CSNK1A1: variants seen among roughly 807,000 people sequenced by gnomAD.
CSNK1A1 encodes casein kinase I isoform alpha.
A neutral mutation model predicts 46.1 loss-of-function variants in CSNK1A1; 7 were observed. The ratio of observed to expected loss-of-function variants is 0.15; its 90% CI spans 0.09 to 0.29. CSNK1A1 has a LOEUF of 0.29. Among genes scored for constraint, CSNK1A1 ranks in the 10% least tolerant of loss-of-function variants. The pLI is 1.00. For missense variants in CSNK1A1, 96 were observed against 417.1 expected, an observed-to-expected ratio of 0.23 and a Z score of 6.71; for synonymous variants, 137 against 141.5, an observed-to-expected ratio of 0.97 and a Z score of 0.23.
At chr5:149,521,124 C>T (rs918225635) in intron 3 of CSNK1A1, among the ~76,000 whole-genome samples, 1 of 152,200 alleles carries the variant, frequency 6.6e-6, no homozygotes, top group East Asian at 1.9e-4. Flanking sequence ...AGACATGTAT[C>T]TTTACCCACT....
intron 2 of CSNK1A1, 77 bp downstream of exon 2, chr5:149,549,998 G>T: frequency 1.3e-6 from 2 of 1,519,624 alleles, no homozygotes; most frequent in Non-Finnish European, 1.8e-6. Flanking sequence ...GATTCAGCTG[G>T]TCTCATTACC....
chr5:149,500,398 A>T (rs1170641147), intron 9 of CSNK1A1, among the ~76,000 whole-genome samples: 1 of 151,972 alleles, frequency 6.6e-6, no homozygotes, highest in Non-Finnish European at 1.5e-5. Flanking sequence ...CGGCCTCCCA[A>T]ACTGCTGGGA....
At chr5:149,516,326 A>C (rs1440094285) in intron 4 of CSNK1A1, among the ~76,000 whole-genome samples, 1 of 130,796 alleles carries the variant, frequency 7.6e-6, no homozygotes, top group Non-Finnish European at 1.6e-5. Context: ...CCCGTCTCAA[A>C]ACAAAACAAA....
chr5:149,503,119 T>C (rs2113060501), intron 9 of CSNK1A1: 1 of 985,466 alleles, frequency 1.0e-6, no homozygotes, highest in East Asian at 1.1e-4. Flanking sequence ...GACTATGCTT[T>C]TAAATGCCCT....
intron 2 of CSNK1A1, among the ~76,000 whole-genome samples, chr5:149,544,737 T>TAA (rs1554118044): frequency 1.2e-5 from 1 of 80,806 alleles, no homozygotes; most frequent in Non-Finnish European, 2.2e-5. Flanking sequence ...GTAAAGAGCT[T>TAA]TATATATATA....
At chr5:149,500,286 C>T (rs542426091) in intron 9 of CSNK1A1, among the ~76,000 whole-genome samples, 8 of 152,066 alleles carry the variant, frequency 5.3e-5, no homozygotes, top group Non-Finnish European at 1.0e-4. Context: ...TATAGGCGCC[C>T]GCCACCACGC....
intron 3 of CSNK1A1, among the ~76,000 whole-genome samples, chr5:149,520,743 T>A (rs1468472055): frequency 2.0e-5 from 3 of 152,334 alleles, no homozygotes; most frequent in Middle Eastern, 3.4e-3. Flanking sequence ...CACTCAATCC[T>A]AGGCCTTCTA....
At chr5:149,539,490 A>G (rs1448184586) in intron 2 of CSNK1A1, among the ~76,000 whole-genome samples, 3 of 151,674 alleles carry the variant, frequency 2.0e-5, no homozygotes, top group Admixed American at 2.0e-4. Context: ...AAAGAAAGAA[A>G]AGAGTATAGC....
At chr5:149,497,192 C>G in intron 9 of CSNK1A1, 1 of 1,046,192 alleles carries the variant, frequency 9.6e-7, no homozygotes, top group Non-Finnish European at 1.2e-6. Context: ...ACATATTTAT[C>G]AAATCAATGA....
At position 149,550,972 on chromosome 5, in the gene CSNK1A1, G is replaced by A. The variant is rs756285604; in HGVS notation, c.-8C>T. The A allele has an allele frequency of 6.2e-7, 1 of 1,613,842 alleles. No individual in the cohort carries two copies. The highest frequency in any genetic ancestry group is 2.2e-5 in the East Asian group (1 of 44,874). ...GCCGCTGCTACTCGCCATCCTGAGA[G>A]ACGAAGATGGAGGCTGGGGCCAAGC... On this transcript the variant is annotated 5_prime_UTR_variant, in exon 1 of 10. Coordinates refer to ENST00000377843, the MANE Select transcript of CSNK1A1 (RefSeq NM_001892.6). This position sits in a 1 kb window ranked among gnomAD's most constrained non-coding sequence, Gnocchi z 4.3.
chr5:149,501,811 A>G, intron 9 of CSNK1A1: 1 of 978,220 alleles, frequency 1.0e-6, no homozygotes, highest in Non-Finnish European at 1.2e-6. Context: ...TCCTTTACTT[A>G]TTTTTAATAT....
intron 2 of CSNK1A1, among the ~76,000 whole-genome samples, chr5:149,548,582 C>T (rs866681782): frequency 1.7e-4 from 24 of 142,658 alleles, no homozygotes; most frequent in Non-Finnish European, 1.5e-4. Flanking sequence ...AAAAAAAAGC[C>T]GGGCACAGTG....
At chr5:149,497,571 G>A in intron 9 of CSNK1A1, 1 of 985,366 alleles carries the variant, frequency 1.0e-6, no homozygotes, top group African/African-American at 1.7e-5. Context: ...TTGAATACAA[G>A]AAGCCTCAGG....
intron 9 of CSNK1A1, 37 bp from the exon 10 acceptor site, chr5:149,496,897 C>A: frequency 6.5e-7 from 1 of 1,531,350 alleles, no homozygotes; most frequent in South Asian, 1.2e-5. Flanking sequence ...AGTTAAAATT[C>A]CAAGTCAAAA....
At chr5:149,500,350 G>A (rs1254732590) in intron 9 of CSNK1A1, among the ~76,000 whole-genome samples, 1 of 151,986 alleles carries the variant, frequency 6.6e-6, no homozygotes, top group African/African-American at 2.4e-5. Context: ...TGTTAGCCAA[G>A]ATGGTCTGGA....
intron 2 of CSNK1A1, among the ~76,000 whole-genome samples, chr5:149,527,248 C>T (rs554083659): frequency 6.6e-6 from 1 of 152,220 alleles, no homozygotes; most frequent in South Asian, 2.1e-4. Context: ...ATGCCTCAGC[C>T]TCCCAAGTAG....
intron 2 of CSNK1A1, among the ~76,000 whole-genome samples, 155 bp downstream of exon 2, chr5:149,549,920 T>C (rs1762602642): frequency 1.3e-5 from 2 of 152,178 alleles, no homozygotes; most frequent in Non-Finnish European, 2.9e-5. Context: ...TACTCAGTAA[T>C]TGAGATGACT....
At chr5:149,540,018 T>C in intron 2 of CSNK1A1, among the ~76,000 whole-genome samples, 1 of 152,192 alleles carries the variant, frequency 6.6e-6, no homozygotes, top group East Asian at 1.9e-4. Flanking sequence ...ATTTCAAAAG[T>C]ACTTATCAAC....
intron 2 of CSNK1A1, chr5:149,545,905 T>C (rs973079331): frequency 1.5e-5 from 4 of 268,918 alleles, no homozygotes; most frequent in African/African-American, 6.9e-5. Flanking sequence ...TTTTTTTTTT[T>C]TGATACGGAG....
Sources: gnomAD v4.1 joint callset for allele counts (sites outside exome capture counted in the v4.1 genomes callset) on GRCh38, gnomAD v4.1.1 for gene constraint, Gnocchi (gnomAD v3.1) non-coding constraint, MANE v1.5 for transcripts, NCBI Gene and HGNC (gene_info 2026-07-23, HGNC 2026-07-21) for gene names.